PCNT: variants seen among roughly 807,000 people sequenced by gnomAD.
The protein encoded by PCNT is kendrin.
PCNT carries 319 observed loss-of-function variants against 380.4 expected under a neutral mutation model. That is an observed-to-expected ratio of 0.84 (90% CI 0.77 to 0.92). PCNT has a LOEUF of 0.92. PCNT is among the 40% of genes least tolerant of loss of function. PCNT has a pLI of 0.00. For missense variants in PCNT, 4,400 were observed against 4,255.3 expected (o/e 1.03, Z -0.95); for synonymous variants, 1,845 against 1,735.2 (o/e 1.06, Z -1.57).
intron 3 of PCNT, among the ~76,000 whole-genome samples, chr21:46,345,749 C>T (rs2146535541): frequency 6.6e-6 from 1 of 152,350 alleles, no homozygotes; most frequent in African/African-American, 2.4e-5. Flanking sequence ...GCTCTCCTCC[C>T]TCAGCTCCTC....
chr21:46,430,497 C>G lies in PCNT; in HGVS notation c.7914-10C>G. The stretch of plus-strand genomic sequence containing the variant: ...ACGTGGTCAGATTGTTCTGCGATGT[C>G]TCCACGCAGATCCATGCTGAGCAGT... On this transcript the variant is annotated splice_polypyrimidine_tract_variant and intron_variant, in intron 36 of 46. Coordinates refer to ENST00000359568, the MANE Select transcript of PCNT (RefSeq NM_006031.6). The G allele has an allele frequency of 6.5e-7, 1 of 1,550,370 alleles. No homozygotes were observed.
chr21:46,412,700 C>T lies in PCNT; in HGVS notation c.5995-137C>T, dbSNP rs1307642768. On this transcript the variant is annotated intron_variant, in intron 28 of 46. Transcript: ENST00000359568. ...GTGGCCTGCTGTGGACCAAGGTGCTCGGCTGTGGATGTCACTGCCACCTCC... is the reference window on the plus strand; with the variant it reads ...GTGGCCTGCTGTGGACCAAGGTGCTTGGCTGTGGATGTCACTGCCACCTCC... 97 of 919,438 alleles carry T rather than the reference C, an allele frequency of 1.1e-4. 1 individual carries two copies. Among genetic ancestry groups the T allele is most frequent in the South Asian group, 1.0e-3 (78 of 76,238 alleles). 57.0% of individuals were successfully genotyped at this position (919,438 alleles called of 1,614,324 possible). A position where few individuals can be genotyped will look rare whatever the true frequency, so the allele number is the denominator to read the frequency against.
chr21:46,436,653 G>A (rs2148043200), intron 39 of PCNT, among the ~76,000 whole-genome samples: 1 of 152,286 alleles, frequency 6.6e-6, no homozygotes, highest in Non-Finnish European at 1.5e-5. Context: ...GTATAGAGCA[G>A]CATGATTTCT....
intron 42 of PCNT, among the ~76,000 whole-genome samples, chr21:46,440,445 T>C (rs1004062039): frequency 2.6e-5 from 4 of 152,208 alleles, no homozygotes; most frequent in Non-Finnish European, 4.4e-5. Context: ...AGTCAGCAAA[T>C]GGCGGCCTCT....
intron 38 of PCNT, among the ~76,000 whole-genome samples, chr21:46,435,100 G>C (rs1601198132): frequency 6.6e-6 from 1 of 152,206 alleles, no homozygotes; most frequent in Admixed American, 6.5e-5. Flanking sequence ...TGTGTCAGCT[G>C]TGGGTCCCAG....
intron 17 of PCNT, among the ~76,000 whole-genome samples, chr21:46,386,675 G>A (rs146775398): frequency 1.7e-4 from 26 of 152,332 alleles, no homozygotes; most frequent in Non-Finnish European, 2.5e-4. Context: ...CTTTTGTCGC[G>A]TGTGGGGTCT....
At chr21:46,415,940 T>A in intron 29 of PCNT, 129 bp from the exon 30 acceptor site, 1 of 789,256 alleles carries the variant, frequency 1.3e-6, no homozygotes, top group East Asian at 2.6e-5. Context: ...AAACTTGAAA[T>A]GTGCAGGGCT....
At chr21:46,427,448 TATG>T (rs1569292926) in intron 33 of PCNT, among the ~76,000 whole-genome samples, 171 bp from the exon 34 acceptor site, 2 of 152,196 alleles carry the variant, frequency 1.3e-5, no homozygotes, top group African/African-American at 4.8e-5. Flanking sequence ...TGTGTCCTCA[TATG>T]ATGGAGACAG....
intron 31 of PCNT, among the ~76,000 whole-genome samples, chr21:46,418,645 G>C (rs1012436297): frequency 6.6e-6 from 1 of 152,256 alleles, no homozygotes; most frequent in Non-Finnish European, 1.5e-5. Context: ...CAGCTCACAG[G>C]CTGTGTTCAG....
intron 12 of PCNT, 36 bp from the exon 13 acceptor site, chr21:46,356,938 C>A: frequency 6.3e-7 from 1 of 1,593,724 alleles, no homozygotes; most frequent in Non-Finnish European, 8.6e-7. Context: ...GGGCCGGCAC[C>A]GGCCTGACTG....
rs757082073 is a variant in PCNT at position 46,425,850 on chromosome 21, G to A, written c.7199G>A (p.Arg2400His). 6.2e-6 allele frequency: 10 copies of A among 1,613,678 alleles called. No homozygotes were observed. Among genetic ancestry groups the A allele is most frequent in the East Asian group, 2.2e-5 (1 of 44,856 alleles). ...CCACAGGCTTTACTGCAGATGGTGCGTGACGAGAGCCACCAGATCCTGGCG... is the reference window on the plus strand; with the variant it reads ...CCACAGGCTTTACTGCAGATGGTGCATGACGAGAGCCACCAGATCCTGGCG... ...KHVKALLQMVRDESHQILALS... is the reference protein window; with the variant it reads ...KHVKALLQMVHDESHQILALS... The change falls in exon 33 of 47, where the codon CGT (arginine) becomes CAT (histidine). Residue 2400 changes from arginine to histidine, a missense_variant. Transcript: ENST00000359568. This position sits in a 1 kb window ranked among gnomAD's most constrained non-coding sequence, Gnocchi z 4.2.
intron 31 of PCNT, 105 bp from the exon 32 acceptor site, chr21:46,421,865 G>A (rs1306248977): frequency 1.5e-5 from 19 of 1,246,980 alleles, no homozygotes; most frequent in African/African-American, 4.4e-5. Flanking sequence ...TGTGGTTGTC[G>A]CTGGGGACTG....
chr21:46,416,872 TC>T, intron 30 of PCNT, 33 bp downstream of exon 30: 1 of 1,594,834 alleles, frequency 6.3e-7, no homozygotes, highest in South Asian at 1.1e-5. Flanking sequence ...GGCCTGCTGT[TC>T]CCGTGGGAAT....
intron 24 of PCNT, among the ~76,000 whole-genome samples, chr21:46,399,292 GAGTCTGGGTCTCTTTT>G (rs2086331946): frequency 2.1e-5 from 3 of 140,150 alleles, no homozygotes; most frequent in Non-Finnish European, 3.2e-5. Context: ...TTCAGCCTGT[GAGTCTGGGTCTCTTTT>G]CAGCCTGTGG....
chr21:46,338,964 T>G (rs1466532089), intron 3 of PCNT, among the ~76,000 whole-genome samples: 4 of 152,164 alleles, frequency 2.6e-5, no homozygotes, highest in African/African-American at 7.2e-5. Context: ...GTATTTCTAG[T>G]AGAGACGGGG....
Position 46,445,559 on chromosome 21 carries a change from G to A in PCNT, c.*232G>A. ...TTTAGGCCCATGACCTTCGTGAGGT[G>A]ACGGGCACTCACTCCCATGAGCCCT... On this transcript the variant is annotated 3_prime_UTR_variant, in exon 47 of 47. Coordinates refer to ENST00000359568, the MANE Select transcript of PCNT (RefSeq NM_006031.6). The A allele has an allele frequency of 1.7e-6, 1 of 572,000 alleles. No individual in the cohort carries two copies. Among genetic ancestry groups the A allele is most frequent in the Non-Finnish European group, 3.1e-6 (1 of 321,070 alleles). The allele number at this position is 572,000 out of a possible 1,614,324, so 35.4% of individuals were successfully genotyped here. A position where few individuals can be genotyped will look rare whatever the true frequency, so the allele number is the denominator to read the frequency against.
At position 46,371,166 on chromosome 21, in the gene PCNT, GA is replaced by G. The variant is rs75500321; in HGVS notation, c.3165+4034del. On this transcript the variant is annotated intron_variant, in intron 15 of 46. Coordinates refer to ENST00000359568, the MANE Select transcript of PCNT (RefSeq NM_006031.6). ...TGAACCTGGGAATCTGAGGCTGCAG[GA>G]AAAAAAGAAAGAAATCTGCACACAG... Among the ~76,000 whole-genome samples the G allele has an allele frequency of 6.6e-5, 10 of 150,884 alleles. No individual in the cohort carries two copies. The East Asian group carries it at 1.9e-3, about 29-fold the overall frequency.
chr21:46,366,134 C>G (rs2084921350), intron 14 of PCNT, among the ~76,000 whole-genome samples: 1 of 152,246 alleles, frequency 6.6e-6, no homozygotes, highest in African/African-American at 2.4e-5. Flanking sequence ...CCATGGGGTT[C>G]TCAGGCCTCG....
chr21:46,388,197 G>A lies in PCNT; in HGVS notation c.3465-545G>A, dbSNP rs1305902673. Among the ~76,000 whole-genome samples the A allele has an allele frequency of 1.3e-4, 20 of 151,046 alleles. No individual in the cohort carries two copies. Among genetic ancestry groups the A allele is most frequent in the African/African-American group, 4.6e-4 (19 of 41,168 alleles). On this transcript the variant is annotated intron_variant, in intron 17 of 46. Transcript: ENST00000359568. This position sits in a 1 kb window ranked among gnomAD's most constrained non-coding sequence, Gnocchi z 4.2. ...TGCACTCCAGCCTGGGCGACAGAGC[G>A]AGACTCCATCTCAAAAAAAAAAAAA...
Sources: gnomAD v4.1 joint callset for allele counts (sites outside exome capture counted in the v4.1 genomes callset) on GRCh38, gnomAD v4.1.1 for gene constraint, Gnocchi (gnomAD v3.1) non-coding constraint, MANE v1.5 for transcripts, NCBI Gene and HGNC (gene_info 2026-07-23, HGNC 2026-07-21) for gene names.